The following TXNDC5 variants were observed in gnomAD, a reference collection of about 807,000 sequenced individuals.
TXNDC5 encodes the protein thioredoxin domain-containing protein 5.
TXNDC5 carries 44 observed loss-of-function variants against 52.6 expected under a neutral mutation model. That is an observed-to-expected ratio of 0.84 (90% CI 0.66 to 1.08). The LOEUF (loss-of-function observed/expected upper bound fraction) is 1.08, where lower values mean the gene tolerates loss of function less well. Among genes scored for constraint, TXNDC5 ranks in the 50% least tolerant of loss-of-function variants. TXNDC5 has a pLI of 0.00. For missense variants in TXNDC5, 600 were observed against 565.5 expected (o/e 1.06, Z -0.62); for synonymous variants, 241 against 234.4 (o/e 1.03, Z -0.26).
In TXNDC5 at chr6:7,910,434, C is replaced by A. The variant is rs1249862018; in HGVS notation, c.263+80G>T. On this transcript the variant is annotated intron_variant, in intron 1 of 9. Transcript: ENST00000379757. ...GTCGGCGTCCACGTGGCCCCGGGAC[C>A]CCCCGCCCGCGGCGCCCAAGCGCCC... The A allele has an allele frequency of 3.2e-6, 4 of 1,253,760 alleles. No homozygotes were observed. In the African/African-American group the frequency reaches 4.8e-5, roughly 15 times the overall value. 77.7% of individuals were successfully genotyped at this position (1,253,760 alleles called of 1,614,324 possible). A position where few individuals can be genotyped will look rare whatever the true frequency, so the allele number is the denominator to read the frequency against.
chr6:7,884,565 C>A lies in TXNDC5; in HGVS notation c.1047-77G>T. On this transcript the variant is annotated intron_variant, in intron 8 of 9. Coordinates refer to ENST00000379757, the MANE Select transcript of TXNDC5 (RefSeq NM_030810.5). ...ACCTACACTCTGCTGCCAAGACAAG[C>A]TCTGTTTCTTCTGTATGGGACAGTC... The A allele has an allele frequency of 2.5e-6, 4 of 1,598,526 alleles. No individual in the cohort carries two copies. The South Asian group carries it at 3.3e-5, about 13-fold the overall frequency.
intron 4 of TXNDC5, among the ~76,000 whole-genome samples, chr6:7,893,115 C>A (rs568516142): frequency 3.3e-5 from 5 of 152,252 alleles, no homozygotes; most frequent in African/African-American, 1.2e-4. Flanking sequence ...ACAAACAAAC[C>A]CTCACAGCAT....
rs1427345124 is a variant in TXNDC5 at position 7,910,573 on chromosome 6, G to A, written c.204C>T (p.Ala68=). 4 of 1,450,970 alleles carry A rather than the reference G, an allele frequency of 2.8e-6. No individual in the cohort carries two copies. In the African/African-American group the frequency reaches 4.5e-5, roughly 16 times the overall value. 89.9% of individuals were successfully genotyped at this position (1,450,970 alleles called of 1,614,324 possible). Residue 68 remains alanine, a synonymous_variant, in exon 1 of 10, where the codon GCC becomes GCT. Coordinates refer to ENST00000379757, the MANE Select transcript of TXNDC5 (RefSeq NM_030810.5). ...TCTGGATCCCGTGCGTGAACATGTC[G>A]GCCGTGTACAGGTGCTTGCTGTGCG... ...QDPHSKHLYT[A]DMFTHGIQSA...
At chr6:7,900,376 G>A (rs1206710898) in intron 2 of TXNDC5, 1 of 152,170 alleles carries the variant, frequency 6.6e-6, no homozygotes, top group African/African-American at 2.4e-5. Flanking sequence ...ACGGGAAAAC[G>A]TGCTCTAATA....
In TXNDC5 at chr6:7,888,776, C is replaced by T; in HGVS notation, c.892G>A (p.Glu298Lys). Reference sequence around the variant, plus strand: ...GTGACGGTCTCCGTCGCTCCAGTCTCTGTGCGCTGCAGCTGCGACTCCACG... The same window carrying T: ...GTGACGGTCTCCGTCGCTCCAGTCTTTGTGCGCTGCAGCTGCGACTCCACG... ...EYVESQLQRT[E>K]TGATETVTPS... The change falls in exon 7 of 10, where the codon GAG becomes AAG. Residue 298 changes from glutamate to lysine, a missense_variant. By Grantham distance (56) the Glu-to-Lys change is moderately conservative. Coordinates refer to ENST00000379757, the MANE Select transcript of TXNDC5 (RefSeq NM_030810.5). The T allele has an allele frequency of 1.2e-6, 2 of 1,614,170 alleles. No individual in the cohort carries two copies. The highest frequency in any genetic ancestry group is 1.7e-6 in the Non-Finnish European group (2 of 1,180,036).
chr6:7,897,089 T>A (rs1371605795), intron 3 of TXNDC5, among the ~76,000 whole-genome samples: 1 of 152,134 alleles, frequency 6.6e-6, no homozygotes, highest in African/African-American at 2.4e-5. Flanking sequence ...AAGGTATAAA[T>A]AACCTAAATA....
intron 4 of TXNDC5, chr6:7,894,889 T>G: frequency 1.0e-6 from 1 of 985,446 alleles, no homozygotes; most frequent in South Asian, 4.7e-5. Context: ...GTGCTTAGCA[T>G]TAGACTCGGC....
rs905808583 is a variant in TXNDC5 at position 7,883,161 on chromosome 6, C to G, written c.1282G>C (p.Ala428Pro). The G allele has an allele frequency of 6.2e-7, 1 of 1,614,190 alleles. No individual in the cohort carries two copies. The highest frequency in any genetic ancestry group is 2.2e-5 in the East Asian group (1 of 44,886). Reference sequence around the variant, plus strand: ...CTGTGTTCCTAAAGTTCGTCTTTCGCTTGGCTCAGGACAAAGCGGTGTAAC... The same window carrying G: ...CTGTGTTCCTAAAGTTCGTCTTTCGGTTGGCTCAGGACAAAGCGGTGTAAC... ...DSLHRFVLSQ[A>P]KDEL The change falls in exon 10 of 10, where the codon GCG becomes CCG. Residue 428 changes from alanine to proline, a missense_variant. By Grantham distance (27) the Ala-to-Pro change is conservative. Transcript: ENST00000379757.
Position 7,888,716 on chromosome 6 carries a change from C to T in TXNDC5, c.952G>A (p.Glu318Lys), listed in dbSNP as rs147956330. Reference sequence around the variant, plus strand: ...CAGCAGGCACCCACCTTGTCAGCCTCGGGCTCAGCTGCCAGCACCGGGGCC... The same window carrying T: ...CAGCAGGCACCCACCTTGTCAGCCTTGGGCTCAGCTGCCAGCACCGGGGCC... The part of the protein sequence containing the change: ...SEAPVLAAEP[E>K]ADKGTVLALT... Residue 318 changes from glutamate (E) to lysine (K), a missense_variant, in exon 7 of 10, where the codon GAG becomes AAG. Glu to Lys is a moderately conservative substitution (Grantham distance 56). Transcript: ENST00000379757. The T allele has an allele frequency of 1.1e-5, 17 of 1,611,306 alleles. No homozygotes were observed. The highest frequency in any genetic ancestry group is 2.7e-5 in the African/African-American group (2 of 74,894).
Sources: gnomAD v4.1 joint callset for allele counts (sites outside exome capture counted in the v4.1 genomes callset) on GRCh38, gnomAD v4.1.1 for gene constraint, MANE v1.5 for transcripts, NCBI Gene and HGNC (gene_info 2026-07-23, HGNC 2026-07-21) for gene names.